Variants in LRRC49 observed in about 807,000 individuals in gnomAD.
LRRC49 encodes leucine-rich repeat-containing protein 49.
Under a neutral mutation model 83.3 loss-of-function variants are expected in LRRC49, and 50 were observed. The observed-to-expected ratio is 0.60, with a 90% CI of 0.48 to 0.76. The LOEUF (loss-of-function observed/expected upper bound fraction) is 0.76, where lower values mean the gene tolerates loss of function less well. Ranked by LOEUF, LRRC49 falls within the 30% of genes least tolerant of loss-of-function variation. The pLI, the probability that LRRC49 is intolerant of heterozygous loss-of-function variation, is 0.00. For synonymous variants in LRRC49, 286 were observed against 283.3 expected (o/e 1.01, Z -0.10); for missense variants, 704 against 809.1 (o/e 0.87, Z 1.58).
At chr15:70,930,095 T>C (rs2035351482) in intron 7 of LRRC49, among the ~76,000 whole-genome samples, 1 of 152,164 alleles carries the variant, frequency 6.6e-6, no homozygotes, top group African/African-American at 2.4e-5. Flanking sequence ...TAGAAAGTTT[T>C]CAGTCTACTT....
chr15:71,006,082 G>T (rs1442223883), intron 11 of LRRC49, among the ~76,000 whole-genome samples: 1 of 152,248 alleles, frequency 6.6e-6, no homozygotes, highest in East Asian at 1.9e-4. Flanking sequence ...CAGCCCAGGA[G>T]ACTTGCCGTT....
rs150586670 is a variant in LRRC49 at position 70,984,164 on chromosome 15, T to A, written c.1076T>A (p.Ile359Asn). The A allele has an allele frequency of 6.3e-5, 102 of 1,613,168 alleles. No individual in the cohort carries two copies. Among genetic ancestry groups the A allele is most frequent in the Non-Finnish European group, 8.4e-5 (99 of 1,179,476 alleles). The change falls in exon 11 of 16, where the codon ATT becomes AAT. Residue 359 changes from isoleucine to asparagine, a missense_variant. Coordinates refer to ENST00000260382, the MANE Select transcript of LRRC49 (RefSeq NM_017691.5). ...TTGCAACAACAACGAGTAGCCAATA[T>A]TGCTACAAATGAAGATAGAAAAGAT... is the stretch of plus-strand genomic sequence containing the variant. ...WDLQQQRVAN[I>N]ATNEDRKDSD...
chr15:71,051,208 T>C lies in LRRC49; in HGVS notation c.*1596T>C, dbSNP rs557757397. The C allele has an allele frequency of 6.6e-5, 10 of 152,332 alleles. No homozygotes were observed. The highest frequency in any genetic ancestry group is 2.2e-4 in the African/African-American group (9 of 41,572). 9.4% of individuals were successfully genotyped at this position (152,332 alleles called of 1,614,324 possible). A position where few individuals can be genotyped will look rare whatever the true frequency, so the allele number is the denominator to read the frequency against. On this transcript the variant is annotated 3_prime_UTR_variant, in exon 16 of 16. Transcript: ENST00000260382. ...GTGTGTAACCTCAGTTTCCTCCTGATAGCACACACTTCGTAAGATAGTCAT... is the reference window on the plus strand; with the variant it reads ...GTGTGTAACCTCAGTTTCCTCCTGACAGCACACACTTCGTAAGATAGTCAT...
chr15:70,915,833 G>A (rs918843063), intron 6 of LRRC49, among the ~76,000 whole-genome samples: 16 of 151,788 alleles, frequency 1.1e-4, no homozygotes, highest in African/African-American at 3.9e-4. Flanking sequence ...CATTTTAAAC[G>A]TGGTCATAGG....
At chr15:70,924,000 T>C (rs1201341455) in intron 7 of LRRC49, among the ~76,000 whole-genome samples, 1 of 151,932 alleles carries the variant, frequency 6.6e-6, no homozygotes, top group Admixed American at 6.6e-5. Context: ...CTTATTTGGA[T>C]TTTGCCATTT....
intron 7 of LRRC49, among the ~76,000 whole-genome samples, chr15:70,929,412 C>G (rs1398797032): frequency 6.6e-6 from 1 of 152,134 alleles, no homozygotes; most frequent in Non-Finnish European, 1.5e-5. Flanking sequence ...TTCAAAAATA[C>G]TTTAGTAATA....
intron 6 of LRRC49, among the ~76,000 whole-genome samples, chr15:70,911,862 C>T (rs886577951): frequency 6.6e-6 from 1 of 152,104 alleles, no homozygotes; most frequent in Non-Finnish European, 1.5e-5. Flanking sequence ...ACACATTTTG[C>T]AACCCCAATC....
At chr15:70,947,903 A>T (rs2036067286) in intron 8 of LRRC49, among the ~76,000 whole-genome samples, 1 of 152,186 alleles carries the variant, frequency 6.6e-6, no homozygotes, top group African/African-American at 2.4e-5. Flanking sequence ...CCCTAGGACA[A>T]TGGGTGTGGG....
intron 5 of LRRC49, chr15:70,908,123 C>T (rs2141117709): frequency 2.4e-6 from 1 of 415,332 alleles, no homozygotes. Context: ...GGCTGTTTTT[C>T]TTCCTGTTCA....
intron 14 of LRRC49, among the ~76,000 whole-genome samples, chr15:71,034,737 G>A (rs1178714460): frequency 1.3e-5 from 2 of 152,200 alleles, no homozygotes; most frequent in African/African-American, 4.8e-5. Flanking sequence ...CATGTCCCTT[G>A]CAAGGACATG....
chr15:71,048,138 T>G (rs1341636893), intron 15 of LRRC49, among the ~76,000 whole-genome samples: 1 of 146,080 alleles, frequency 6.8e-6, no homozygotes, highest in Non-Finnish European at 1.5e-5. Context: ...CAGGCTGGAG[T>G]GCAATGGCAT....
chr15:70,933,584 G>T (rs949140680), intron 7 of LRRC49, among the ~76,000 whole-genome samples: 3 of 152,162 alleles, frequency 2.0e-5, no homozygotes, highest in African/African-American at 7.2e-5. Context: ...AGATTGTTGA[G>T]TGCTGGCTCC....
intron 8 of LRRC49, among the ~76,000 whole-genome samples, chr15:70,959,932 A>G (rs1174609072): frequency 6.6e-6 from 1 of 152,234 alleles, no homozygotes; most frequent in African/African-American, 2.4e-5. Flanking sequence ...CATAATGCTC[A>G]AAGAATGGAA....
At chr15:70,924,331 T>G (rs1245853262) in intron 7 of LRRC49, among the ~76,000 whole-genome samples, 1 of 151,970 alleles carries the variant, frequency 6.6e-6, no homozygotes, top group African/African-American at 2.4e-5. Flanking sequence ...TATGTTTAGA[T>G]TTTTTACTTA....
intron 14 of LRRC49, among the ~76,000 whole-genome samples, chr15:71,035,310 A>T (rs2039484379): frequency 6.6e-6 from 1 of 152,174 alleles, no homozygotes; most frequent in South Asian, 2.1e-4. Context: ...TTGCAACGAA[A>T]TATGTCAAAT....
intron 1 of LRRC49, chr15:70,859,096 G>T (rs1182873374): frequency 6.7e-7 from 1 of 1,483,210 alleles, no homozygotes; most frequent in African/African-American, 1.4e-5. Context: ...TCCTGCAGCA[G>T]CAGAAGATGG....
Position 70,997,810 on chromosome 15 carries a change from G to C in LRRC49, c.1170-10569G>C, listed in dbSNP as rs61332260. ...TTTTAATTTGGGTAGTTTAATCTTT[G>C]AAGTCCTGATAAGGAAGGACACACA... On this transcript the variant is annotated intron_variant, in intron 11 of 15. Transcript: ENST00000260382. Among the ~76,000 whole-genome samples, 950 of 152,234 alleles carry C rather than the reference G, an allele frequency of 6.2e-3. 4 individuals carry two copies. The highest frequency in any genetic ancestry group is 0.022 in the African/African-American group (916 of 41,540).
intron 11 of LRRC49, among the ~76,000 whole-genome samples, chr15:70,987,043 T>G (rs1450491871): frequency 6.6e-6 from 1 of 152,202 alleles, no homozygotes; most frequent in African/African-American, 2.4e-5. Flanking sequence ...TTGCCAGTAT[T>G]TTATTGAGGA....
chr15:70,950,905 G>A (rs1332136167), intron 8 of LRRC49, among the ~76,000 whole-genome samples: 1 of 152,142 alleles, frequency 6.6e-6, no homozygotes, highest in Non-Finnish European at 1.5e-5. Flanking sequence ...TTAGATTTAA[G>A]TCTTTAATCC....
Sources: allele counts gnomAD v4.1 joint callset (sites outside exome capture counted in the v4.1 genomes callset), GRCh38; gene constraint gnomAD v4.1.1; transcripts MANE v1.5; gene names NCBI Gene and HGNC (gene_info 2026-07-23, HGNC 2026-07-21).